Variants in ERC1 observed in about 807,000 individuals in gnomAD.
ERC1 encodes RAB6 interacting protein 2.
A neutral mutation model predicts 132.0 loss-of-function variants in ERC1; 56 were observed. The observed-to-expected ratio is 0.42, with a 90% CI of 0.34 to 0.53. The LOEUF is 0.53. ERC1 is among the 20% of genes least tolerant of loss of function. The probability of loss-of-function intolerance (pLI) is 0.03; values close to 1 mark genes in which losing one functional copy is unlikely to be tolerated. For synonymous variants in ERC1, 478 were observed against 476.1 expected (o/e 1.00, Z -0.05); for missense variants, 1,202 against 1,349.9 (o/e 0.89, Z 1.72).
At chr12:1,234,287 A>G (rs1044609298) in intron 12 of ERC1, among the ~76,000 whole-genome samples, 4 of 152,226 alleles carry the variant, frequency 2.6e-5, no homozygotes, top group Non-Finnish European at 5.9e-5. Flanking sequence ...GATGCTGGAC[A>G]GTGGCAGTGA....
intron 15 of ERC1, among the ~76,000 whole-genome samples, chr12:1,344,302 C>T (rs112330687): frequency 3.9e-5 from 6 of 152,076 alleles, no homozygotes; most frequent in East Asian, 1.9e-4. Flanking sequence ...GGCTTTTCTT[C>T]GCTAATCATG....
chr12:1,405,146 T>TATAAAAATAA lies in ERC1; in HGVS notation c.2926-2998_2926-2997insAATAAATAAA, dbSNP rs147432689. Among the ~76,000 whole-genome samples the TATAAAAATAA allele has an allele frequency of 6.4e-3, 914 of 142,202 alleles. 9 individuals are homozygous for TATAAAAATAA. The highest frequency in any genetic ancestry group is 0.023 in the African/African-American group (870 of 37,788). The allele number at this position is 142,202 out of a possible 152,430, so 93.3% of individuals were successfully genotyped here. Reference sequence around the variant, plus strand: ...GAGAACGAGACTCCGGCTCAAAAAATATAAATAAATAAATAAATAAATAAA... The same window carrying TATAAAAATAA: ...GAGAACGAGACTCCGGCTCAAAAAATATAAAAATAAATAAATAAATAAATAAATAAATAAA... On this transcript the variant is annotated intron_variant, in intron 16 of 18. Coordinates refer to ENST00000360905, the MANE Select transcript of ERC1 (RefSeq NM_178040.4).
chr12:1,426,602 A>T (rs150504705), intron 17 of ERC1, among the ~76,000 whole-genome samples: 1 of 152,188 alleles, frequency 6.6e-6, no homozygotes, highest in Non-Finnish European at 1.5e-5. Context: ...GCTCTAGACT[A>T]TACAGCTTTT....
At chr12:1,251,867 G>A (rs1049264042) in intron 13 of ERC1, among the ~76,000 whole-genome samples, 1 of 152,062 alleles carries the variant, frequency 6.6e-6, no homozygotes, top group African/African-American at 2.4e-5. Flanking sequence ...TTAAAAACTG[G>A]ACTACTAAGT....
chr12:1,328,851 G>A (rs2082656438), intron 15 of ERC1, among the ~76,000 whole-genome samples: 1 of 119,832 alleles, frequency 8.3e-6, no homozygotes, highest in Non-Finnish European at 1.7e-5. Context: ...TGTTAGACAC[G>A]GTTCTACGTG....
At chr12:1,487,828 G>GAAAA (rs1269660016) in intron 18 of ERC1, among the ~76,000 whole-genome samples, 1 of 110,586 alleles carries the variant, frequency 9.0e-6, no homozygotes, top group African/African-American at 2.9e-5. Context: ...GAGAGAGAAA[G>GAAAA]AAAAGAAAAG....
chr12:1,299,842 G>C (rs1157174692), intron 15 of ERC1, among the ~76,000 whole-genome samples: 1 of 152,026 alleles, frequency 6.6e-6, no homozygotes, highest in East Asian at 1.9e-4. Flanking sequence ...AAAAAGATAA[G>C]ACAATATTTT....
intron 12 of ERC1, among the ~76,000 whole-genome samples, chr12:1,225,845 A>C (rs1032957132): frequency 3.5e-4 from 54 of 152,320 alleles, no homozygotes; most frequent in African/African-American, 1.3e-3. Context: ...TGCACCATTT[A>C]AATTTTTTTC....
chr12:1,121,691 CTATCTCTATCTCTATCTGTG>C (rs1947153294), intron 7 of ERC1, among the ~76,000 whole-genome samples: 1 of 64,000 alleles, frequency 1.6e-5, no homozygotes, highest in Non-Finnish European at 3.5e-5. Flanking sequence ...ATCTCTATCT[CTATCTCTATCTCTATCTGTG>C]TCTCTATCTC....
intron 2 of ERC1, among the ~76,000 whole-genome samples, chr12:1,056,152 T>C (rs1284211845): frequency 6.6e-6 from 1 of 152,058 alleles, no homozygotes; most frequent in Non-Finnish European, 1.5e-5. Flanking sequence ...TTTTTGTGAT[T>C]TTTCTCAGAT....
At chr12:1,057,777 G>A (rs1025672725) in intron 2 of ERC1, among the ~76,000 whole-genome samples, 39 of 151,776 alleles carry the variant, frequency 2.6e-4, no homozygotes, top group Non-Finnish European at 4.6e-4. Flanking sequence ...GGTATTTTTA[G>A]TAGAGGTGGG....
At chr12:1,220,569 G>C (rs2154295062) in intron 12 of ERC1, among the ~76,000 whole-genome samples, 1 of 152,304 alleles carries the variant, frequency 6.6e-6, no homozygotes, top group East Asian at 1.9e-4. Flanking sequence ...GTGATAACAA[G>C]TAATTGCTTC....
At chr12:1,206,542 T>A (rs945190846) in intron 12 of ERC1, among the ~76,000 whole-genome samples, 16 of 152,228 alleles carry the variant, frequency 1.1e-4, no homozygotes, top group Non-Finnish European at 1.3e-4. Context: ...GTAGTGAGAT[T>A]TTATTTAGAG....
chr12:1,240,423 T>A (rs2154305451), intron 13 of ERC1, among the ~76,000 whole-genome samples: 1 of 152,334 alleles, frequency 6.6e-6, no homozygotes, highest in East Asian at 1.9e-4. Flanking sequence ...CTTGAAACTT[T>A]CGTATCTGTA....
rs1305747698 is a variant in ERC1, at chr12:994,544, G to GT, written c.-157+3223dup. Among the ~76,000 whole-genome samples the GT allele has an allele frequency of 2.0e-5, 3 of 152,238 alleles. No homozygotes were observed. In the East Asian group the frequency reaches 5.8e-4, roughly 29 times the overall value. ...CTGCAAAATAGAAATAATAACAGTA[G>GT]TACCTAACCTCTTAAGCTGGTCAAA... On this transcript the variant is annotated intron_variant, in intron 1 of 18. Coordinates refer to ENST00000360905, the MANE Select transcript of ERC1 (RefSeq NM_178040.4).
At chr12:1,372,953 T>G (rs2087423835) in intron 16 of ERC1, among the ~76,000 whole-genome samples, 1 of 152,238 alleles carries the variant, frequency 6.6e-6, no homozygotes, top group African/African-American at 2.4e-5. Context: ...TGGATCAAAT[T>G]AAAACTGCTT....
At chr12:1,285,586 G>A (rs111943564) in intron 14 of ERC1, among the ~76,000 whole-genome samples, 1,687 of 152,204 alleles carry the variant, frequency 0.011, 46 homozygotes, top group African/African-American at 0.039. Flanking sequence ...CCAAATGCCA[G>A]GAAAAATTGA....
chr12:1,425,024 C>A (rs1591973561), intron 17 of ERC1, among the ~76,000 whole-genome samples: 1 of 152,006 alleles, frequency 6.6e-6, no homozygotes, highest in Non-Finnish European at 1.5e-5. Flanking sequence ...AACCTAAGAA[C>A]CTTTTTTTTT....
At chr12:1,034,753 T>C (rs1417568888) in intron 2 of ERC1, among the ~76,000 whole-genome samples, 2 of 152,224 alleles carry the variant, frequency 1.3e-5, no homozygotes, top group African/African-American at 4.8e-5. Flanking sequence ...TTTGGAATAA[T>C]TGAAGCAATT....
Sources: gnomAD v4.1 joint callset for allele counts (sites outside exome capture counted in the v4.1 genomes callset) on GRCh38, gnomAD v4.1.1 for gene constraint, MANE v1.5 for transcripts, NCBI Gene and HGNC (gene_info 2026-07-23, HGNC 2026-07-21) for gene names.